LAMC3: variants seen among roughly 807,000 people sequenced by gnomAD.
The protein encoded by LAMC3 is laminin subunit gamma-3.
LAMC3 carries 128 observed loss-of-function variants against 173.8 expected under a neutral mutation model. The ratio of observed to expected loss-of-function variants is 0.74; its 90% CI spans 0.64 to 0.85. The LOEUF (loss-of-function observed/expected upper bound fraction) is 0.85. LAMC3 is among the 40% of genes least tolerant of loss of function. The pLI is 0.00. For synonymous variants in LAMC3, 897 were observed against 909.1 expected (o/e 0.99, Z 0.24); for missense variants, 2,022 against 2,156.0 (o/e 0.94, Z 1.23).
chr9:131,061,629 C>T (rs1180365361), intron 13 of LAMC3, among the ~76,000 whole-genome samples: 1 of 152,222 alleles, frequency 6.6e-6, no homozygotes, highest in Non-Finnish European at 1.5e-5. Context: ...ACCACCTACG[C>T]CCACCCTTGT....
At chr9:131,051,820 G>T (rs1476936310) in intron 9 of LAMC3, among the ~76,000 whole-genome samples, 7 of 42,860 alleles carry the variant, frequency 1.6e-4, no homozygotes, top group Non-Finnish European at 3.2e-4. Flanking sequence ...AGGAGGGAGG[G>T]TACTGGGAAA....
chr9:131,055,626 C>G (rs191847655), intron 11 of LAMC3, among the ~76,000 whole-genome samples: 1 of 151,456 alleles, frequency 6.6e-6, no homozygotes, highest in Non-Finnish European at 1.5e-5. Context: ...GGGGTTTCAC[C>G]GTGTTAGCCA....
At chr9:131,037,995 A>G (rs1833975185) in intron 4 of LAMC3, among the ~76,000 whole-genome samples, 1 of 152,102 alleles carries the variant, frequency 6.6e-6, no homozygotes, top group South Asian at 2.1e-4. Context: ...CCATCACACG[A>G]CATGCCGTCT....
At chr9:131,089,445 G>A (rs1249134963) in intron 27 of LAMC3, among the ~76,000 whole-genome samples, 5 of 152,008 alleles carry the variant, frequency 3.3e-5, no homozygotes, top group East Asian at 3.9e-4. Context: ...TGGTGCAGTC[G>A]TGGCTCACTG....
rs56320740 is a variant in LAMC3, at chr9:131,077,676, C to CAAAAA, written c.3777+375_3777+379dup. 1.1e-4 allele frequency among the ~76,000 whole-genome samples: 3 copies of CAAAAA among 27,710 alleles called. 1 individual carries two copies. The highest frequency in any genetic ancestry group is 3.7e-3 in the East Asian group (2 of 546). 18.2% of individuals were successfully genotyped at this position (27,710 alleles called of 152,430 possible). On this transcript the variant is annotated intron_variant, in intron 22 of 27. Coordinates refer to ENST00000361069, the MANE Select transcript of LAMC3 (RefSeq NM_006059.4). ...TGGGCGACAGAGCAAGACTCCATCT[C>CAAAAA]AAAAAAAAAAAAAAAAAAAAAAAAA...
intron 22 of LAMC3, 62 bp downstream of exon 22, chr9:131,077,396 G>T (rs1830149896): frequency 3.1e-6 from 5 of 1,596,902 alleles, no homozygotes; most frequent in South Asian, 1.1e-5. Context: ...GAAGCTGGAG[G>T]CTGGGCACGG....
chr9:131,026,270 T>C lies in LAMC3; in HGVS notation c.374-15T>C. The C allele has an allele frequency of 1.2e-6, 2 of 1,613,918 alleles. No homozygotes were observed. The highest frequency in any genetic ancestry group is 1.7e-6 in the Non-Finnish European group (2 of 1,179,976). On this transcript the variant is annotated splice_polypyrimidine_tract_variant and intron_variant, in intron 1 of 27. Coordinates refer to ENST00000361069, the MANE Select transcript of LAMC3 (RefSeq NM_006059.4). The surrounding 1 kb of genome is among the most constrained non-coding windows in gnomAD (Gnocchi z 4.8). ...TTCCCCTTCCATAAAATGGGCCCCG[T>C]TTTCCTGGCTGCAGGGAAGGCTTAT...
Position 131,062,060 on chromosome 9 carries a change from T to A in LAMC3, c.2347+837T>A, listed in dbSNP as rs542270065. ...AGCCAGACCCTATATCCAAAAAAAATTTTTTTTTAAATAAAGTACAGGCCG... is the reference window on the plus strand; with the variant it reads ...AGCCAGACCCTATATCCAAAAAAAAATTTTTTTTAAATAAAGTACAGGCCG... On this transcript the variant is annotated intron_variant, in intron 13 of 27. Coordinates refer to ENST00000361069, the MANE Select transcript of LAMC3 (RefSeq NM_006059.4). Among the ~76,000 whole-genome samples the A allele has an allele frequency of 1.1e-3, 170 of 148,742 alleles. 1 individual carries two copies. The highest frequency in any genetic ancestry group is 1.9e-3 in the African/African-American group (76 of 40,224).
intron 13 of LAMC3, among the ~76,000 whole-genome samples, chr9:131,063,487 C>T (rs1375612234): frequency 6.6e-6 from 1 of 152,224 alleles, no homozygotes; most frequent in African/African-American, 2.4e-5. Flanking sequence ...GACTTTAGAC[C>T]TGGGACCTTC....
chr9:131,042,835 A>G (rs1238273524), intron 7 of LAMC3, among the ~76,000 whole-genome samples: 1 of 150,838 alleles, frequency 6.6e-6, no homozygotes, highest in East Asian at 2.0e-4. Context: ...CACTAATGGC[A>G]TACCCATGGC....
chr9:131,013,344 C>A (rs1213759522), intron 1 of LAMC3, among the ~76,000 whole-genome samples: 2 of 152,112 alleles, frequency 1.3e-5, no homozygotes, highest in Non-Finnish European at 2.9e-5. Context: ...AGTCTCCTCC[C>A]GGCTTGCACT....
chr9:131,056,665 TG>T (rs1310515959), intron 11 of LAMC3, among the ~76,000 whole-genome samples: 2 of 152,068 alleles, frequency 1.3e-5, no homozygotes, highest in South Asian at 2.1e-4. Flanking sequence ...CTTGGTGTCT[TG>T]CCTGTAGTCG....
At chr9:131,012,486 T>C (rs1353598295) in intron 1 of LAMC3, among the ~76,000 whole-genome samples, 1 of 152,238 alleles carries the variant, frequency 6.6e-6, no homozygotes, top group East Asian at 1.9e-4. Context: ...CTTGCGGGGA[T>C]TGAGAAATGC....
rs1462474153 is a variant in LAMC3 at position 131,045,794 on chromosome 9, G to T, written c.1519+134G>T. ...GCCACAGGCCTGCACAGCCTAGGTG[G>T]GGTCGGGGGTGAGATGATGGCTCCC... is the stretch of plus-strand genomic sequence containing the variant. On this transcript the variant is annotated intron_variant, in intron 8 of 27. Coordinates refer to ENST00000361069, the MANE Select transcript of LAMC3 (RefSeq NM_006059.4). 9.5e-6 allele frequency: 11 copies of T among 1,154,516 alleles called. No homozygotes were observed. The East Asian group carries it at 2.5e-4, about 26-fold the overall frequency. 71.5% of individuals were successfully genotyped at this position (1,154,516 alleles called of 1,614,324 possible). A position where few individuals can be genotyped will look rare whatever the true frequency, so the allele number is the denominator to read the frequency against.
intron 11 of LAMC3, 134 bp downstream of exon 11, chr9:131,053,099 C>T (rs1449787222): frequency 1.3e-6 from 1 of 754,662 alleles, no homozygotes; most frequent in African/African-American, 1.7e-5. Context: ...AAGAAGGAAC[C>T]TTAGTCAAAA....
intron 1 of LAMC3, chr9:131,021,132 A>G (rs1430798997): frequency 6.6e-6 from 1 of 152,198 alleles, no homozygotes; most frequent in Non-Finnish European, 1.5e-5. Flanking sequence ...TTACAAGGTT[A>G]TTCTTGAGTT....
rs200121474 is a variant in LAMC3, at chr9:131,068,171, G to A, written c.2687G>A (p.Arg896Gln). ...TCCTGCCTGCCTCATGTGACTGCACGGGACTGCAGCCGCTGCTACCCTGGC... is the reference window on the plus strand; with the variant it reads ...TCCTGCCTGCCTCATGTGACTGCACAGGACTGCAGCCGCTGCTACCCTGGC... ...QCSCLPHVTA[R>Q]DCSRCYPGFF... Residue 896 changes from arginine to glutamine, a missense_variant, in exon 15 of 28, where the codon CGG becomes CAG. Arg to Gln is a conservative substitution (Grantham distance 43). Coordinates refer to ENST00000361069, the MANE Select transcript of LAMC3 (RefSeq NM_006059.4). The A allele has an allele frequency of 6.3e-5, 102 of 1,613,202 alleles. 1 individual carries two copies. The East Asian group carries it at 1.7e-3, about 26-fold the overall frequency.
chr9:131,050,714 G>T (rs1243076611), intron 9 of LAMC3, among the ~76,000 whole-genome samples: 1 of 151,792 alleles, frequency 6.6e-6, no homozygotes, highest in African/African-American at 2.4e-5. Context: ...GTTGCAGTGA[G>T]CCAGGATTGC....
At chr9:131,052,705 G>A (rs1255480198) in intron 10 of LAMC3, 22 bp downstream of exon 10, 1 of 1,602,492 alleles carries the variant, frequency 6.2e-7, no homozygotes, top group Non-Finnish European at 8.5e-7. Flanking sequence ...CTTCTGTCCT[G>A]AGAGATGGGG....
Sources: gnomAD v4.1 joint callset for allele counts (sites outside exome capture counted in the v4.1 genomes callset) on GRCh38, gnomAD v4.1.1 for gene constraint, Gnocchi (gnomAD v3.1) non-coding constraint, MANE v1.5 for transcripts, NCBI Gene and HGNC (gene_info 2026-07-23, HGNC 2026-07-21) for gene names.